ERC2: variants seen among roughly 807,000 people sequenced by gnomAD.
ERC2 encodes ELKS/RAB6-interacting/CAST family member 2, also known as ERC protein 2.
A neutral mutation model predicts 114.8 loss-of-function variants in ERC2; 42 were observed. The ratio of observed to expected loss-of-function variants is 0.37; its 90% CI spans 0.29 to 0.47. The LOEUF (loss-of-function observed/expected upper bound fraction) is 0.47, where lower values mean the gene tolerates loss of function less well. ERC2 is among the 20% of genes least tolerant of loss of function. The pLI is 0.99. For missense variants in ERC2, 939 were observed against 1,150.7 expected (o/e 0.82, Z 2.66); for synonymous variants, 454 against 425.5 (o/e 1.07, Z -0.82).
intron 17 of ERC2, among the ~76,000 whole-genome samples, chr3:55,590,852 A>G (rs2057841176): frequency 6.6e-6 from 1 of 152,144 alleles, no homozygotes. Context: ...TCTTTGAGAC[A>G]GAGTCTTGCT....
chr3:56,032,997 A>AAG (rs1252589844), intron 7 of ERC2, among the ~76,000 whole-genome samples: 33 of 139,206 alleles, frequency 2.4e-4, no homozygotes, highest in African/African-American at 7.3e-4. Context: ...GAAAGAAAGA[A>AAG]AGAAAGAAAG....
intron 14 of ERC2, among the ~76,000 whole-genome samples, chr3:55,798,529 C>T (rs572644136): frequency 2.0e-5 from 3 of 149,952 alleles, no homozygotes; most frequent in East Asian, 2.0e-4. Flanking sequence ...ACTTGGGAGG[C>T]GGAGGTTGCA....
At chr3:55,550,370 T>C (rs545060023) in intron 17 of ERC2, among the ~76,000 whole-genome samples, 1 of 152,262 alleles carries the variant, frequency 6.6e-6, no homozygotes, top group South Asian at 2.1e-4. Context: ...TTCACTGAAA[T>C]GTAAGCTGCT....
At chr3:55,604,699 G>A (rs1486940113) in intron 17 of ERC2, among the ~76,000 whole-genome samples, 1 of 152,182 alleles carries the variant, frequency 6.6e-6, no homozygotes, top group African/African-American at 2.4e-5. Flanking sequence ...GATTTAAGAA[G>A]GGAGTGTATG....
At chr3:56,001,302 A>G (rs985635704) in intron 10 of ERC2, among the ~76,000 whole-genome samples, 2 of 152,096 alleles carry the variant, frequency 1.3e-5, no homozygotes, top group African/African-American at 4.8e-5. Context: ...AGGCTTCCAT[A>G]TGGTTGCAAA....
chr3:56,452,753 T>C (rs2107525627), intron 1 of ERC2, among the ~76,000 whole-genome samples: 1 of 152,302 alleles, frequency 6.6e-6, no homozygotes, highest in South Asian at 2.1e-4. Context: ...TTAGCAAACC[T>C]CTCTGAGCCT....
At chr3:56,393,485 C>T (rs979801328) in intron 2 of ERC2, among the ~76,000 whole-genome samples, 8 of 152,188 alleles carry the variant, frequency 5.3e-5, no homozygotes, top group African/African-American at 9.6e-5. Flanking sequence ...GGCCCCATTA[C>T]ATGTTCTGAT....
intron 14 of ERC2, among the ~76,000 whole-genome samples, chr3:55,887,826 C>T (rs1220874714): frequency 1.3e-5 from 2 of 152,182 alleles, no homozygotes; most frequent in Admixed American, 6.5e-5. Flanking sequence ...CTTCCCAAGC[C>T]CCCACCTAGG....
At chr3:56,006,165 A>C (rs945735064) in intron 10 of ERC2, among the ~76,000 whole-genome samples, 4 of 152,012 alleles carry the variant, frequency 2.6e-5, no homozygotes, top group Non-Finnish European at 5.9e-5. Flanking sequence ...TCTCATGACA[A>C]TTTCCTAAAC....
chr3:56,412,231 G>A (rs1408410893), intron 2 of ERC2, among the ~76,000 whole-genome samples: 1 of 152,180 alleles, frequency 6.6e-6, no homozygotes, highest in African/African-American at 2.4e-5. Context: ...AAGGAGAGAG[G>A]TATGGAATGT....
chr3:55,684,342 C>A (rs1388153005), intron 16 of ERC2, among the ~76,000 whole-genome samples: 1 of 150,568 alleles, frequency 6.6e-6, no homozygotes, highest in Non-Finnish European at 1.5e-5. Context: ...ACACACACAA[C>A]TCCATCTACT....
At chr3:55,600,978 C>T (rs2058374737) in intron 17 of ERC2, among the ~76,000 whole-genome samples, 1 of 152,244 alleles carries the variant, frequency 6.6e-6, no homozygotes, top group Admixed American at 6.5e-5. Flanking sequence ...TGCTGCTGGC[C>T]ATGGCAAGCT....
rs1560058440 is a variant in ERC2 at position 56,033,042 on chromosome 3, A to C, written c.1642-14011T>G. 4.4e-3 allele frequency among the ~76,000 whole-genome samples: 362 copies of C among 82,246 alleles called. 3 individuals are homozygous for C. Among genetic ancestry groups the C allele is most frequent in the Middle Eastern group, 9.3e-3 (1 of 108 alleles). The allele number at this position is 82,246 out of a possible 152,430, so 54.0% of individuals were successfully genotyped here. ...AAGAAAAAAGAAACAGAAAGAAAGA[A>C]AGAAAGAAAGAAAGAAAGAAAGAAA... On this transcript the variant is annotated intron_variant, in intron 7 of 17. Transcript: ENST00000288221.
intron 3 of ERC2, among the ~76,000 whole-genome samples, chr3:56,194,236 G>C (rs1281087468): frequency 6.6e-6 from 1 of 151,840 alleles, no homozygotes; most frequent in African/African-American, 2.4e-5. Context: ...CCCTCCTCCC[G>C]CCACCACCCC....
At chr3:55,862,323 C>T (rs554762854) in intron 14 of ERC2, among the ~76,000 whole-genome samples, 2 of 152,220 alleles carry the variant, frequency 1.3e-5, no homozygotes, top group East Asian at 1.9e-4. Flanking sequence ...TTCAGGCCAA[C>T]GACATAGCAA....
chr3:56,237,518 C>A (rs777048348), intron 3 of ERC2, among the ~76,000 whole-genome samples: 7 of 152,186 alleles, frequency 4.6e-5, no homozygotes, highest in Non-Finnish European at 8.8e-5. Context: ...AAAATCTTTT[C>A]TTGGGAATGC....
intron 14 of ERC2, among the ~76,000 whole-genome samples, chr3:55,886,514 G>T (rs944437928): frequency 6.6e-6 from 1 of 152,092 alleles, no homozygotes; most frequent in African/African-American, 2.4e-5. Context: ...TATGAACTTT[G>T]TATATAGACA....
intron 14 of ERC2, among the ~76,000 whole-genome samples, chr3:55,854,361 G>GTTGTT (rs569569213): frequency 0.023 from 3,546 of 152,232 alleles, 133 homozygotes; most frequent in African/African-American, 0.081. Context: ...TGCTTTTGTA[G>GTTGTT]TTGTTTTGTT....
intron 17 of ERC2, among the ~76,000 whole-genome samples, chr3:55,590,977 C>T (rs924407867): frequency 6.6e-6 from 1 of 152,028 alleles, no homozygotes; most frequent in Non-Finnish European, 1.5e-5. Context: ...TATATGCACC[C>T]GCCACCACGT....
Sources: gnomAD v4.1 joint callset for allele counts (sites outside exome capture counted in the v4.1 genomes callset) on GRCh38, gnomAD v4.1.1 for gene constraint, MANE v1.5 for transcripts, NCBI Gene and HGNC (gene_info 2026-07-23, HGNC 2026-07-21) for gene names.